Variants in ADGRE1 observed in about 807,000 individuals in gnomAD.
ADGRE1 encodes adhesion G protein-coupled receptor E1.
Under a neutral mutation model 102.7 loss-of-function variants are expected in ADGRE1, and 82 were observed. The ratio of observed to expected loss-of-function variants is 0.80; its 90% CI spans 0.67 to 0.96. ADGRE1 has a LOEUF of 0.96. Among genes scored for constraint, ADGRE1 ranks in the 40% least tolerant of loss-of-function variants. ADGRE1 has a pLI of 0.00. For synonymous variants in ADGRE1, 398 were observed against 399.6 expected, an observed-to-expected ratio of 1.00 and a Z score of 0.05; for missense variants, 1,032 against 1,085.3, an observed-to-expected ratio of 0.95 and a Z score of 0.69.
intron 3 of ADGRE1, 135 bp downstream of exon 3, chr19:6,896,676 G>A (rs1167368147): frequency 7.0e-6 from 7 of 1,000,104 alleles, no homozygotes; most frequent in Non-Finnish European, 1.0e-5. Flanking sequence ...TTTAAGTGGA[G>A]TATTAGGTCA....
At chr19:6,897,836 C>A (rs1973619885) in intron 5 of ADGRE1, 1 of 212,440 alleles carries the variant, frequency 4.7e-6, no homozygotes, top group Non-Finnish European at 9.3e-6. Flanking sequence ...TAGGCCATTT[C>A]TATTCAAGGT....
chr19:6,931,385 T>C (rs1975142940), intron 17 of ADGRE1, among the ~76,000 whole-genome samples: 1 of 152,086 alleles, frequency 6.6e-6, no homozygotes, highest in South Asian at 2.1e-4. Context: ...AACAGAGACT[T>C]GTTGTTTCAC....
chr19:6,927,466 G>A (rs574872159), intron 16 of ADGRE1, among the ~76,000 whole-genome samples: 2 of 152,096 alleles, frequency 1.3e-5, no homozygotes, highest in East Asian at 3.9e-4. Context: ...GTCTAGTAGT[G>A]GAAGACAGTT....
intron 12 of ADGRE1, among the ~76,000 whole-genome samples, chr19:6,918,536 T>A (rs1974492961): frequency 6.6e-6 from 1 of 151,856 alleles, no homozygotes; most frequent in African/African-American, 2.4e-5. Flanking sequence ...TACTGTCTGG[T>A]TGGGACAGGA....
chr19:6,927,983 G>A (rs1255295224), intron 16 of ADGRE1, among the ~76,000 whole-genome samples, 162 bp from the exon 17 acceptor site: 2 of 152,128 alleles, frequency 1.3e-5, no homozygotes, highest in East Asian at 3.9e-4. Flanking sequence ...AAGAGGAAGC[G>A]CAGTGATCTA....
intron 10 of ADGRE1, among the ~76,000 whole-genome samples, chr19:6,911,242 C>T (rs973270738): frequency 1.3e-5 from 2 of 152,022 alleles, no homozygotes; most frequent in African/African-American, 4.8e-5. Context: ...TATTGAAATC[C>T]TTTTTTTCCT....
chr19:6,925,124 T>C (rs2144996017), intron 15 of ADGRE1, among the ~76,000 whole-genome samples: 1 of 152,296 alleles, frequency 6.6e-6, no homozygotes, highest in Non-Finnish European at 1.5e-5. Context: ...TTTGTTTGTT[T>C]GTTTGTTTGT....
At chr19:6,892,712 A>G (rs1442329702) in intron 2 of ADGRE1, among the ~76,000 whole-genome samples, 5 of 152,228 alleles carry the variant, frequency 3.3e-5, no homozygotes, top group African/African-American at 1.2e-4. Context: ...AATCCACCTC[A>G]GTGTCCGTCA....
At chr19:6,893,533 C>T (rs1973450567) in intron 2 of ADGRE1, among the ~76,000 whole-genome samples, 1 of 152,198 alleles carries the variant, frequency 6.6e-6, no homozygotes, top group Admixed American at 6.5e-5. Context: ...GAATGATATT[C>T]TATTGAGTAC....
intron 14 of ADGRE1, 21 bp downstream of exon 14, chr19:6,921,904 C>T (rs1157392400): frequency 6.3e-7 from 1 of 1,583,992 alleles, no homozygotes; most frequent in Non-Finnish European, 8.6e-7. Flanking sequence ...ATGATTTGTT[C>T]CCTGAGGCAG....
At chr19:6,913,974 C>A in intron 11 of ADGRE1, 144 bp downstream of exon 11, 3 of 921,942 alleles carry the variant, frequency 3.3e-6, no homozygotes, top group South Asian at 2.0e-5. Flanking sequence ...CAAGTCTAAT[C>A]ATATTAACAA....
chr19:6,894,136 C>T (rs2144885677), intron 2 of ADGRE1, among the ~76,000 whole-genome samples: 1 of 152,300 alleles, frequency 6.6e-6, no homozygotes, highest in South Asian at 2.1e-4. Flanking sequence ...AACCTTAATT[C>T]CATCTGCAAC....
At chr19:6,903,280 A>C (rs1424007313) in intron 6 of ADGRE1, among the ~76,000 whole-genome samples, 2 of 152,190 alleles carry the variant, frequency 1.3e-5, no homozygotes, top group East Asian at 3.9e-4. Context: ...ACTGGTGGGC[A>C]TGTCTTATGG....
chr19:6,910,992 A>T (rs1210914150), intron 10 of ADGRE1, among the ~76,000 whole-genome samples: 2 of 142,244 alleles, frequency 1.4e-5, no homozygotes, highest in Non-Finnish European at 3.1e-5. Context: ...TTTCCTGAGG[A>T]TATAAAATAA....
chr19:6,910,686 C>T (rs538027992), intron 10 of ADGRE1, among the ~76,000 whole-genome samples: 104 of 150,542 alleles, frequency 6.9e-4, no homozygotes, highest in Non-Finnish European at 1.0e-3. Flanking sequence ...ATTCTCCTGC[C>T]TCAGCCTCCC....
Position 6,904,177 on chromosome 19 carries a change from G to A in ADGRE1, c.944G>A (p.Cys315Tyr). The change falls in exon 8 of 21, where the codon TGC (cysteine) becomes TAC (tyrosine). Residue 315 changes from cysteine to tyrosine, a missense_variant. Physicochemically the swap from Cys to Tyr is radical, Grantham distance 194 (BLOSUM62 -2). Transcript: ENST00000312053. ...TCCCAGAAAGATGGCAACTTCAGCTGCCAAAGTAATAATCTCTTTGTATGT... is the reference window on the plus strand; with the variant it reads ...TCCCAGAAAGATGGCAACTTCAGCTACCAAAGTAATAATCTCTTTGTATGT... Reference protein sequence around the residue: ...EGSQKDGNFSCQRVLFKCKED... With the variant: ...EGSQKDGNFSYQRVLFKCKED... 1 of 1,613,776 alleles carries A rather than the reference G, an allele frequency of 6.2e-7. No individual in the cohort carries two copies.
chr19:6,911,635 A>G (rs539015185), intron 10 of ADGRE1, among the ~76,000 whole-genome samples: 1 of 151,610 alleles, frequency 6.6e-6, no homozygotes, highest in Non-Finnish European at 1.5e-5. Context: ...AAATAAACAC[A>G]CACACATATA....
chr19:6,903,824 A>G lies in ADGRE1; in HGVS notation c.676A>G (p.Thr226Ala). 1 of 1,614,116 alleles carries G rather than the reference A, an allele frequency of 6.2e-7. No homozygotes were observed. Among genetic ancestry groups the G allele is most frequent in the Non-Finnish European group, 8.5e-7 (1 of 1,179,984 alleles). Residue 226 changes from threonine to alanine, a missense_variant, in exon 7 of 21, where the codon ACT becomes GCT. Thr to Ala is a moderately conservative substitution (Grantham distance 58, BLOSUM62 0). Coordinates refer to ENST00000312053, the MANE Select transcript of ADGRE1 (RefSeq NM_001974.5). Reference protein sequence around the residue: ...KASCEDIDECTEMCPINSTCT... With the variant: ...KASCEDIDECAEMCPINSTCT... Reference sequence around the variant, plus strand: ...GTACCCCACAGATATTGATGAATGCACTGAAATGTGCCCCATCAATTCAAC... The same window carrying G: ...GTACCCCACAGATATTGATGAATGCGCTGAAATGTGCCCCATCAATTCAAC...
chr19:6,928,069 G>A, intron 16 of ADGRE1, 76 bp from the exon 17 acceptor site: 1 of 1,521,300 alleles, frequency 6.6e-7, no homozygotes, highest in Non-Finnish European at 8.9e-7. Flanking sequence ...CTCCACTAGG[G>A]CATTTGTTGG....
Sources: allele counts gnomAD v4.1 joint callset (sites outside exome capture counted in the v4.1 genomes callset), GRCh38; gene constraint gnomAD v4.1.1; transcripts MANE v1.5; gene names NCBI Gene and HGNC (gene_info 2026-07-23, HGNC 2026-07-21).